Variants in CSMD2 observed in about 807,000 individuals in gnomAD.
The protein encoded by CSMD2 is CUB and Sushi multiple domains 2.
Under a neutral mutation model 398.5 loss-of-function variants are expected in CSMD2, and 130 were observed. That is an observed-to-expected ratio of 0.33 (90% CI 0.28 to 0.38). CSMD2 has a LOEUF of 0.38. Among genes scored for constraint, CSMD2 ranks in the 10% least tolerant of loss-of-function variants. CSMD2 has a pLI of 1.00. For missense variants in CSMD2, 3,829 were observed against 4,764.9 expected (o/e 0.80, Z 5.78); for synonymous variants, 1,828 against 1,908.5 (o/e 0.96, Z 1.10).
At chr1:33,896,344 A>T (rs369643086) in intron 5 of CSMD2, among the ~76,000 whole-genome samples, 17 of 152,120 alleles carry the variant, frequency 1.1e-4, no homozygotes, top group African/African-American at 3.9e-4. Context: ...TTTCTGTGAC[A>T]TGGGTCTTAC....
rs1175226245 is a variant in CSMD2 at position 33,559,374 on chromosome 1, T to C, written c.8480A>G (p.Tyr2827Cys). The C allele has an allele frequency of 6.5e-7, 1 of 1,536,030 alleles. No homozygotes were observed. Among genetic ancestry groups the C allele is most frequent in the Non-Finnish European group, 8.7e-7 (1 of 1,146,928 alleles). Reference sequence around the variant, plus strand: ...GGACCTAGCAGCCCCCTCAGCCATATACCCAGGGTTGCAAACAAACTTGAC... The same window carrying C: ...GGACCTAGCAGCCCCCTCAGCCATACACCCAGGGTTGCAAACAAACTTGAC... ...DVVKFVCNPG[Y>C]MAEGAARSQC... The change falls in exon 54 of 71, where the codon TAT becomes TGT. Residue 2827 changes from tyrosine (Y) to cysteine (C), a missense_variant. Tyr to Cys is a radical substitution (Grantham distance 194). Transcript: ENST00000373381. The surrounding 1 kb of genome is among the most constrained non-coding windows in gnomAD (Gnocchi z 4.0).
chr1:33,600,796 G>T, intron 44 of CSMD2, 69 bp downstream of exon 44: 2 of 1,525,806 alleles, frequency 1.3e-6, no homozygotes, highest in Non-Finnish European at 1.8e-6. Context: ...AAATGGTGGA[G>T]ACGGGAGTCA....
chr1:34,058,608 T>G (rs1428594300), intron 2 of CSMD2, among the ~76,000 whole-genome samples: 1 of 152,190 alleles, frequency 6.6e-6, no homozygotes, highest in East Asian at 1.9e-4. Flanking sequence ...AGGCAGGGTT[T>G]AGAGCTGGAA....
At chr1:33,582,779 A>G (rs1638818179) in intron 47 of CSMD2, among the ~76,000 whole-genome samples, 1 of 152,212 alleles carries the variant, frequency 6.6e-6, no homozygotes, top group African/African-American at 2.4e-5. Context: ...CTCACAGTAC[A>G]CACTTAACAA....
chr1:33,829,774 C>G (rs12071720), intron 6 of CSMD2, among the ~76,000 whole-genome samples: 1 of 152,110 alleles, frequency 6.6e-6, no homozygotes, highest in Admixed American at 6.5e-5. Flanking sequence ...GGGTGACAGA[C>G]GGCACGTGGA....
chr1:33,538,511 G>C (rs186666208), intron 60 of CSMD2, among the ~76,000 whole-genome samples: 1 of 152,160 alleles, frequency 6.6e-6, no homozygotes, highest in Non-Finnish European at 1.5e-5. Context: ...TGTGTATATG[G>C]AGTCATGAGA....
At chr1:33,812,041 C>A (rs1311634697) in intron 9 of CSMD2, among the ~76,000 whole-genome samples, 1 of 152,112 alleles carries the variant, frequency 6.6e-6, no homozygotes, top group Admixed American at 6.5e-5. Flanking sequence ...GACACCCTTC[C>A]TAGGAGGGTC....
At chr1:33,627,382 G>C (rs1243008240) in intron 32 of CSMD2, among the ~76,000 whole-genome samples, 1 of 152,104 alleles carries the variant, frequency 6.6e-6, no homozygotes, top group Non-Finnish European at 1.5e-5. Flanking sequence ...TTGCCATTCT[G>C]GGGAAGCGCA....
chr1:33,594,209 TGGAGTTCATCC>T (rs1639688461), intron 44 of CSMD2, among the ~76,000 whole-genome samples: 1 of 152,244 alleles, frequency 6.6e-6, no homozygotes, highest in Admixed American at 6.5e-5. Flanking sequence ...CTGGTTCATC[TGGAGTTCATCC>T]GGAGTTACAG....
chr1:33,954,708 A>C (rs962742116), intron 3 of CSMD2, among the ~76,000 whole-genome samples: 1 of 152,214 alleles, frequency 6.6e-6, no homozygotes, highest in African/African-American at 2.4e-5. Context: ...AGCCAGTCAC[A>C]AAAAGAACAA....
chr1:33,975,956 C>T (rs540616066), intron 3 of CSMD2, among the ~76,000 whole-genome samples: 3 of 152,232 alleles, frequency 2.0e-5, no homozygotes, highest in African/African-American at 4.8e-5. Flanking sequence ...GCTCCACAAA[C>T]GTCACTCAAG....
chr1:33,713,416 C>T (rs947804651), intron 21 of CSMD2, among the ~76,000 whole-genome samples: 2 of 152,170 alleles, frequency 1.3e-5, no homozygotes, highest in Non-Finnish European at 2.9e-5. Flanking sequence ...TTTCACTTTA[C>T]GTGAGGTCCA....
rs373472099 is a variant in CSMD2, at chr1:33,780,000, G to T, written c.1664-7249C>A. Among the ~76,000 whole-genome samples the T allele has an allele frequency of 3.5e-4, 53 of 152,296 alleles. No homozygotes were observed. In the South Asian group the frequency reaches 0.011, roughly 32 times the overall value. On this transcript the variant is annotated intron_variant, in intron 12 of 70. Coordinates refer to ENST00000373381, the MANE Select transcript of CSMD2 (RefSeq NM_001281956.2). The stretch of plus-strand genomic sequence containing the variant: ...AGTCTAGAGAAGAGCTAGAAGCTCA[G>T]TGTAGTGGGAAGCTCAAGTGATGAA...
chr1:33,888,508 C>G (rs1641749953), intron 5 of CSMD2, among the ~76,000 whole-genome samples: 1 of 152,052 alleles, frequency 6.6e-6, no homozygotes, highest in Non-Finnish European at 1.5e-5. Flanking sequence ...TATTTCAAAT[C>G]AGAAAGGACA....
intron 3 of CSMD2, among the ~76,000 whole-genome samples, chr1:33,981,453 C>T (rs74469909): frequency 3.4e-3 from 520 of 152,324 alleles, no homozygotes; most frequent in African/African-American, 0.011. Context: ...CAACAAGACT[C>T]ATTACTAGTA....
intron 37 of CSMD2, among the ~76,000 whole-genome samples, chr1:33,619,896 C>T (rs1053476149): frequency 6.6e-6 from 1 of 152,320 alleles, no homozygotes; most frequent in African/African-American, 2.4e-5. Flanking sequence ...CCTCTCCACA[C>T]TCCAAGTAGA....
At chr1:33,908,686 G>C (rs1643273011) in intron 5 of CSMD2, among the ~76,000 whole-genome samples, 1 of 152,220 alleles carries the variant, frequency 6.6e-6, no homozygotes, top group Non-Finnish European at 1.5e-5. Context: ...TTGAGAGCAA[G>C]TTCTCACTAG....
intron 9 of CSMD2, among the ~76,000 whole-genome samples, chr1:33,813,536 G>A (rs1403134262): frequency 1.3e-5 from 2 of 152,070 alleles, no homozygotes; most frequent in East Asian, 3.9e-4. Context: ...ATGCTCTTCT[G>A]GATCGCTTTC....
chr1:34,116,181 G>A (rs1438719233), intron 1 of CSMD2, among the ~76,000 whole-genome samples: 1 of 151,964 alleles, frequency 6.6e-6, no homozygotes, highest in African/African-American at 2.4e-5. Flanking sequence ...ATAAAAACAA[G>A]ATCTAACTAT....
Sources: allele counts gnomAD v4.1 joint callset (sites outside exome capture counted in the v4.1 genomes callset), GRCh38; gene constraint gnomAD v4.1.1; non-coding constraint Gnocchi (gnomAD v3.1); transcripts MANE v1.5; gene names NCBI Gene and HGNC (gene_info 2026-07-23, HGNC 2026-07-21).